The following FRAS1 variants were observed in gnomAD, a reference collection of about 807,000 sequenced individuals.
The protein encoded by FRAS1 is Fraser extracellular matrix complex subunit 1.
FRAS1 carries 290 observed loss-of-function variants against 435.2 expected under a neutral mutation model. The ratio of observed to expected loss-of-function variants is 0.67; its 90% CI spans 0.61 to 0.73. The LOEUF is 0.73. FRAS1 is among the 30% of genes least tolerant of loss of function. FRAS1 has a pLI of 0.00. For missense variants in FRAS1, 4,860 were observed against 5,001.5 expected (o/e 0.97, Z 0.85); for synonymous variants, 1,800 against 1,851.0 (o/e 0.97, Z 0.71).
chr4:78,193,618 T>G (rs936744905), intron 2 of FRAS1, among the ~76,000 whole-genome samples: 1 of 152,178 alleles, frequency 6.6e-6, no homozygotes, highest in Non-Finnish European at 1.5e-5. Context: ...GTTTTCCATT[T>G]GTTTGGTAGA....
intron 2 of FRAS1, among the ~76,000 whole-genome samples, chr4:78,172,071 TCTC>T (rs1721584008): frequency 6.6e-6 from 1 of 152,118 alleles, no homozygotes; most frequent in African/African-American, 2.4e-5. Flanking sequence ...ATTTAGGTGA[TCTC>T]CTGCTCCCTC....
chr4:78,171,275 G>T (rs1390205551), intron 2 of FRAS1, among the ~76,000 whole-genome samples: 1 of 151,970 alleles, frequency 6.6e-6, no homozygotes, highest in African/African-American at 2.4e-5. Flanking sequence ...TCTCAGGGTG[G>T]TTCAGTAATT....
chr4:78,264,311 A>C (rs1400358255), intron 6 of FRAS1, among the ~76,000 whole-genome samples: 1 of 152,194 alleles, frequency 6.6e-6, no homozygotes, highest in Non-Finnish European at 1.5e-5. Flanking sequence ...GTAGGGACAT[A>C]GAGTAGCTGG....
intron 2 of FRAS1, among the ~76,000 whole-genome samples, chr4:78,213,174 C>T (rs1349609287): frequency 6.6e-6 from 1 of 152,178 alleles, no homozygotes; most frequent in East Asian, 1.9e-4. Context: ...TCTAAGTGGC[C>T]TACCATGATT....
In FRAS1 at chr4:78,282,557, C is replaced by A. The variant is rs76262048; in HGVS notation, c.1108-263C>A. ...TATTCTGTTAGTCCTAGAATACTTT[C>A]ACAGCTTATCTCTGAGTGTGCCTAA... On this transcript the variant is annotated intron_variant, in intron 11 of 73. Coordinates refer to ENST00000512123, the MANE Select transcript of FRAS1 (RefSeq NM_025074.7). Among the ~76,000 whole-genome samples, 402 of 152,320 alleles carry A rather than the reference C, an allele frequency of 2.6e-3. 2 individuals are homozygous for A. The highest frequency in any genetic ancestry group is 9.3e-3 in the African/African-American group (387 of 41,568).
chr4:78,148,628 T>G (rs1161212901), intron 2 of FRAS1, among the ~76,000 whole-genome samples: 1 of 152,224 alleles, frequency 6.6e-6, no homozygotes, highest in African/African-American at 2.4e-5. Flanking sequence ...TCTTAATTAC[T>G]TATGTCAAAA....
chr4:78,090,786 G>A (rs1232016581), intron 2 of FRAS1, among the ~76,000 whole-genome samples: 1 of 152,148 alleles, frequency 6.6e-6, no homozygotes, highest in Non-Finnish European at 1.5e-5. Flanking sequence ...TAGAAAGGCT[G>A]TCATTGCACA....
chr4:78,447,112 C>T (rs74911051), intron 43 of FRAS1, among the ~76,000 whole-genome samples: 3,892 of 150,448 alleles, frequency 0.026, 173 homozygotes, highest in African/African-American at 0.09. Context: ...AAATTTCAGC[C>T]GTTTTTTTGC....
chr4:78,396,636 G>GA (rs1378231639), intron 29 of FRAS1, among the ~76,000 whole-genome samples: 1 of 152,128 alleles, frequency 6.6e-6, no homozygotes, highest in African/African-American at 2.4e-5. Context: ...GCTTCATTTG[G>GA]AATTTCCGTA....
intron 72 of FRAS1, among the ~76,000 whole-genome samples, chr4:78,537,663 C>G (rs1721925554): frequency 6.6e-6 from 1 of 152,114 alleles, no homozygotes; most frequent in African/African-American, 2.4e-5. Flanking sequence ...AAAAAAGAGG[C>G]AGGGCGTGGT....
intron 70 of FRAS1, among the ~76,000 whole-genome samples, chr4:78,527,627 A>T (rs1721581759): frequency 6.6e-6 from 1 of 152,160 alleles, no homozygotes. Flanking sequence ...GTCATTGGTG[A>T]ACTCTGCCAA....
chr4:78,057,789 C>G lies in FRAS1; in HGVS notation c.-221C>G. On this transcript the variant is annotated 5_prime_UTR_variant, in exon 1 of 74. Coordinates refer to ENST00000512123, the MANE Select transcript of FRAS1 (RefSeq NM_025074.7). The surrounding 1 kb of genome is among the most constrained non-coding windows in gnomAD (Gnocchi z 4.2). ...GCCTTGCGGGGGAACTCGGCGCGCTCTCTGCCTGAGCAGCGAGTGAATTGA... is the reference window on the plus strand; with the variant it reads ...GCCTTGCGGGGGAACTCGGCGCGCTGTCTGCCTGAGCAGCGAGTGAATTGA... 1.8e-6 allele frequency: 1 copy of G among 553,130 alleles called. No homozygotes were observed. Among genetic ancestry groups the G allele is most frequent in the Non-Finnish European group, 3.2e-6 (1 of 311,506 alleles). The allele number at this position is 553,130 out of a possible 1,614,324, so 34.3% of individuals were successfully genotyped here. A position where few individuals can be genotyped will look rare whatever the true frequency, so the allele number is the denominator to read the frequency against.
chr4:78,162,925 A>G (rs1721197418), intron 2 of FRAS1, among the ~76,000 whole-genome samples: 2 of 152,226 alleles, frequency 1.3e-5, no homozygotes, highest in Non-Finnish European at 1.5e-5. Context: ...AAGTCATTCC[A>G]ATTGTTTTTG....
chr4:78,486,188 C>T (rs1246451437), intron 58 of FRAS1, among the ~76,000 whole-genome samples: 2 of 152,212 alleles, frequency 1.3e-5, no homozygotes, highest in Non-Finnish European at 2.9e-5. Context: ...TCTGGCTTAA[C>T]TGTTGCTGGT....
intron 2 of FRAS1, among the ~76,000 whole-genome samples, chr4:78,196,208 C>T (rs1007660146): frequency 6.6e-6 from 1 of 152,088 alleles, no homozygotes; most frequent in Non-Finnish European, 1.5e-5. Context: ...GGGGTTTCAC[C>T]GTGTTAGCCA....
chr4:78,290,042 C>T (rs779335277), intron 14 of FRAS1, among the ~76,000 whole-genome samples: 4 of 152,240 alleles, frequency 2.6e-5, no homozygotes, highest in Non-Finnish European at 4.4e-5. Context: ...TTCAATCAGC[C>T]TCTGTTCCAC....
intron 2 of FRAS1, among the ~76,000 whole-genome samples, chr4:78,231,100 G>A (rs745823911): frequency 2.0e-5 from 3 of 151,796 alleles, no homozygotes; most frequent in South Asian, 4.2e-4. Context: ...GATTACAGGC[G>A]CCTGCCACCA....
intron 15 of FRAS1, among the ~76,000 whole-genome samples, chr4:78,313,002 C>T (rs1042970168): frequency 6.6e-6 from 1 of 152,036 alleles, no homozygotes; most frequent in East Asian, 1.9e-4. Flanking sequence ...TACAAATTTC[C>T]CTCTGGGTGT....
intron 2 of FRAS1, among the ~76,000 whole-genome samples, chr4:78,116,729 C>T (rs1240685625): frequency 6.6e-6 from 1 of 152,170 alleles, no homozygotes; most frequent in Non-Finnish European, 1.5e-5. Flanking sequence ...TGTGTCTCTG[C>T]ACGTGAGATG....
Sources: allele counts gnomAD v4.1 joint callset (sites outside exome capture counted in the v4.1 genomes callset), GRCh38; gene constraint gnomAD v4.1.1; non-coding constraint Gnocchi (gnomAD v3.1); transcripts MANE v1.5; gene names NCBI Gene and HGNC (gene_info 2026-07-23, HGNC 2026-07-21).